CFAP54: variants seen among roughly 807,000 people sequenced by gnomAD.
The protein encoded by CFAP54 is cilia and flagella associated protein 54.
A neutral mutation model predicts 370.4 loss-of-function variants in CFAP54; 290 were observed. That is an observed-to-expected ratio of 0.78 (90% CI 0.71 to 0.86). CFAP54 has a LOEUF of 0.86. CFAP54 is among the 40% of genes least tolerant of loss of function. CFAP54 has a pLI of 0.00. For synonymous variants in CFAP54, 1,206 were observed against 1,236.5 expected (o/e 0.98, Z 0.52); for missense variants, 3,399 against 3,528.7 (o/e 0.96, Z 0.93).
intron 48 of CFAP54, among the ~76,000 whole-genome samples, chr12:96,713,873 A>G (rs1319726816): frequency 1.3e-5 from 2 of 152,162 alleles, no homozygotes; most frequent in African/African-American, 4.8e-5. Flanking sequence ...CTTGAGGAAC[A>G]GCTGGAGCCC....
chr12:96,770,307 A>G (rs1208540128), intron 60 of CFAP54, among the ~76,000 whole-genome samples: 2 of 152,086 alleles, frequency 1.3e-5, no homozygotes, highest in Non-Finnish European at 2.9e-5. Flanking sequence ...TCTTGGTCAA[A>G]TGCCTGCCAG....
At chr12:96,713,800 G>A (rs1446556352) in intron 48 of CFAP54, among the ~76,000 whole-genome samples, 3 of 152,072 alleles carry the variant, frequency 2.0e-5, no homozygotes, top group African/African-American at 7.2e-5. Flanking sequence ...AGTTTCTGAG[G>A]AAGAGTATTC....
At chr12:96,576,988 A>C (rs1955985231) in intron 20 of CFAP54, among the ~76,000 whole-genome samples, 2 of 152,146 alleles carry the variant, frequency 1.3e-5, no homozygotes, top group Admixed American at 6.5e-5. Flanking sequence ...CTATACCCAA[A>C]TATATTGTTA....
At chr12:96,593,109 A>C (rs1188021218) in intron 24 of CFAP54, among the ~76,000 whole-genome samples, 2 of 152,166 alleles carry the variant, frequency 1.3e-5, no homozygotes, top group African/African-American at 4.8e-5. Flanking sequence ...GTTATATATC[A>C]ATCTGTCACA....
intron 65 of CFAP54, among the ~76,000 whole-genome samples, chr12:96,825,639 C>A (rs1358394365): frequency 3.2e-4 from 38 of 118,226 alleles, no homozygotes; most frequent in Non-Finnish European, 5.1e-4. Flanking sequence ...ATATATCACC[C>A]TATTGTATAT....
At chr12:96,829,613 G>A (rs887476402) in intron 66 of CFAP54, among the ~76,000 whole-genome samples, 3 of 151,854 alleles carry the variant, frequency 2.0e-5, no homozygotes, top group Admixed American at 6.6e-5. Context: ...ATTGATCTTA[G>A]TACATACATA....
At chr12:96,570,653 A>C (rs1317584441) in intron 19 of CFAP54, among the ~76,000 whole-genome samples, 2 of 152,220 alleles carry the variant, frequency 1.3e-5, no homozygotes, top group African/African-American at 4.8e-5. Context: ...TCATCTGTGA[A>C]ACAGGGATTC....
At chr12:96,627,760 G>A (rs886880381) in intron 30 of CFAP54, among the ~76,000 whole-genome samples, 32 of 152,148 alleles carry the variant, frequency 2.1e-4, no homozygotes, top group Admixed American at 1.7e-3. Flanking sequence ...TTCAGAATTA[G>A]AGTTCTATTA....
At chr12:96,865,774 C>T (rs1463083662) in intron 67 of CFAP54, among the ~76,000 whole-genome samples, 1 of 152,008 alleles carries the variant, frequency 6.6e-6, no homozygotes, top group Non-Finnish European at 1.5e-5. Context: ...AACTATGATT[C>T]TCATCTCATT....
chr12:96,794,439 C>CTT lies in CFAP54; in HGVS notation c.8850+1950_8850+1951dup, dbSNP rs35900285. On this transcript the variant is annotated intron_variant, in intron 63 of 67. Coordinates refer to ENST00000524981, the MANE Select transcript of CFAP54 (RefSeq NM_001306084.2). ...TTGGAGATGTTGTTCTTTTTTTATT[C>CTT]TTTTTTTTTTTGTCTTTGTTGGATT... is the stretch of plus-strand genomic sequence containing the variant. 4.7e-4 allele frequency among the ~76,000 whole-genome samples: 68 copies of CTT among 145,524 alleles called. 1 individual carries two copies. The highest frequency in any genetic ancestry group is 1.5e-3 in the South Asian group (7 of 4,624).
chr12:96,783,963 G>A (rs1301982400), intron 60 of CFAP54, among the ~76,000 whole-genome samples: 1 of 152,152 alleles, frequency 6.6e-6, no homozygotes, highest in Non-Finnish European at 1.5e-5. Context: ...AGAGATTCAA[G>A]GTCACACACT....
chr12:96,834,065 C>T (rs1256846537), intron 66 of CFAP54, among the ~76,000 whole-genome samples: 1 of 152,094 alleles, frequency 6.6e-6, no homozygotes, highest in African/African-American at 2.4e-5. Context: ...CTAGACTACA[C>T]TCAGTAGGTG....
intron 32 of CFAP54, among the ~76,000 whole-genome samples, chr12:96,642,914 T>C (rs959304339): frequency 1.3e-5 from 2 of 152,110 alleles, no homozygotes; most frequent in Admixed American, 1.3e-4. Context: ...GTGGGCTGGA[T>C]GTGAATTCCC....
At chr12:96,659,602 A>T (rs1956968130) in intron 38 of CFAP54, among the ~76,000 whole-genome samples, 1 of 152,266 alleles carries the variant, frequency 6.6e-6, no homozygotes. Flanking sequence ...ATGGAGAAAT[A>T]GACTCATGAA....
chr12:96,598,490 T>C (rs112229903), intron 25 of CFAP54, among the ~76,000 whole-genome samples, 155 bp from the exon 26 acceptor site: 1 of 152,126 alleles, frequency 6.6e-6, no homozygotes, highest in African/African-American at 2.4e-5. Context: ...TTTATCTCAG[T>C]GTACTCTCCT....
intron 19 of CFAP54, among the ~76,000 whole-genome samples, chr12:96,567,481 G>C (rs1459592733): frequency 6.6e-6 from 1 of 152,118 alleles, no homozygotes; most frequent in African/African-American, 2.4e-5. Flanking sequence ...TGGGTGGTCT[G>C]AGATCACAAG....
intron 59 of CFAP54, 107 bp from the exon 60 acceptor site, chr12:96,764,970 A>G: frequency 1.2e-6 from 1 of 846,276 alleles, no homozygotes; most frequent in Non-Finnish European, 1.6e-6. Context: ...TCCAATGTAT[A>G]AGGAATATTA....
At chr12:96,818,162 A>G (rs927485491) in intron 65 of CFAP54, among the ~76,000 whole-genome samples, 1 of 152,276 alleles carries the variant, frequency 6.6e-6, no homozygotes, top group Non-Finnish European at 1.5e-5. Flanking sequence ...TCGTTCAGCT[A>G]TAGCTGTGAA....
intron 58 of CFAP54, 52 bp downstream of exon 58, chr12:96,757,640 A>G: frequency 1.8e-6 from 2 of 1,087,224 alleles, no homozygotes; most frequent in Non-Finnish European, 2.7e-6. Context: ...TGAGCTTGCT[A>G]TTTTGGTAAC....
Sources: allele counts gnomAD v4.1 joint callset (sites outside exome capture counted in the v4.1 genomes callset), GRCh38; gene constraint gnomAD v4.1.1; transcripts MANE v1.5; gene names NCBI Gene and HGNC (gene_info 2026-07-23, HGNC 2026-07-21).